CFAP299: variants seen among roughly 807,000 people sequenced by gnomAD.
The protein encoded by CFAP299 is cilia- and flagella-associated protein 299.
A neutral mutation model predicts 27.0 loss-of-function variants in CFAP299; 21 were observed. The observed-to-expected ratio is 0.78, with a 90% CI of 0.55 to 1.12. CFAP299 has a LOEUF of 1.12. Among genes scored for constraint, CFAP299 ranks in the 50% most tolerant of loss-of-function variants. The pLI is 0.00. For synonymous variants in CFAP299, 104 were observed against 98.1 expected (o/e 1.06, Z -0.36); for missense variants, 310 against 276.6 (o/e 1.12, Z -0.86).
intron 4 of CFAP299, among the ~76,000 whole-genome samples, chr4:80,928,308 T>C (rs570677247): frequency 6.6e-6 from 1 of 152,116 alleles, no homozygotes; most frequent in East Asian, 1.9e-4. Context: ...AAACCTATAC[T>C]CCTGAATTTT....
chr4:80,854,368 A>C (rs1040963239), intron 3 of CFAP299, among the ~76,000 whole-genome samples: 1 of 150,990 alleles, frequency 6.6e-6, no homozygotes, highest in Admixed American at 6.6e-5. Context: ...AGAAGCAGAC[A>C]TGCGGGACTG....
chr4:80,436,833 G>A (rs1369778072), intron 2 of CFAP299, among the ~76,000 whole-genome samples: 1 of 152,166 alleles, frequency 6.6e-6, no homozygotes, highest in African/African-American at 2.4e-5. Flanking sequence ...ACATAAGGGA[G>A]AAATGAACTT....
chr4:80,527,303 T>TA (rs368820703), intron 2 of CFAP299, among the ~76,000 whole-genome samples: 7,282 of 151,946 alleles, frequency 0.048, 594 homozygotes, highest in African/African-American at 0.17. Flanking sequence ...GGTTTTTTTT[T>TA]AAATAATAAA....
intron 2 of CFAP299, among the ~76,000 whole-genome samples, chr4:80,380,938 T>C (rs1253273452): frequency 6.6e-6 from 1 of 152,230 alleles, no homozygotes; most frequent in African/African-American, 2.4e-5. Flanking sequence ...GTCTTCTAGA[T>C]ATTCTAATAT....
intron 2 of CFAP299, among the ~76,000 whole-genome samples, chr4:80,524,124 C>T (rs1273620528): frequency 1.3e-5 from 2 of 152,078 alleles, no homozygotes; most frequent in African/African-American, 2.4e-5. Context: ...TTATATAATA[C>T]AGAAATTTTC....
intron 2 of CFAP299, among the ~76,000 whole-genome samples, chr4:80,381,244 T>C (rs1050650128): frequency 7.9e-5 from 12 of 152,354 alleles, no homozygotes; most frequent in African/African-American, 2.6e-4. Flanking sequence ...ATTTTTATTA[T>C]GATAATACCA....
chr4:80,727,352 TA>T (rs1487839697), intron 3 of CFAP299, among the ~76,000 whole-genome samples: 2 of 152,092 alleles, frequency 1.3e-5, no homozygotes, highest in African/African-American at 2.4e-5. Flanking sequence ...AATACCTTCA[TA>T]AAGTTATTTA....
intron 3 of CFAP299, among the ~76,000 whole-genome samples, chr4:80,867,383 A>G (rs1159727660): frequency 6.6e-6 from 1 of 152,220 alleles, no homozygotes; most frequent in Admixed American, 6.5e-5. Context: ...ACATATATAT[A>G]TTCTAATAAG....
At chr4:80,834,358 G>C (rs1730451273) in intron 3 of CFAP299, among the ~76,000 whole-genome samples, 1 of 152,138 alleles carries the variant, frequency 6.6e-6, no homozygotes, top group Non-Finnish European at 1.5e-5. Flanking sequence ...TCCTTGTGAG[G>C]ATAGCTTGAA....
At chr4:80,784,899 T>A (rs958261908) in intron 3 of CFAP299, among the ~76,000 whole-genome samples, 5 of 152,164 alleles carry the variant, frequency 3.3e-5, no homozygotes, top group African/African-American at 1.2e-4. Context: ...AGGTTATTTG[T>A]TTTTTTCCTA....
chr4:80,386,170 C>T (rs1242997761), intron 2 of CFAP299: 37 of 684,954 alleles, frequency 5.4e-5, no homozygotes, highest in Non-Finnish European at 8.2e-5. Flanking sequence ...ACGAACACCC[C>T]GGGTCCGTCA....
chr4:80,670,127 A>G (rs952576173), intron 3 of CFAP299, among the ~76,000 whole-genome samples: 12 of 152,128 alleles, frequency 7.9e-5, no homozygotes, highest in African/African-American at 2.7e-4. Flanking sequence ...TCCTAATGCT[A>G]TCCATCCTCT....
intron 4 of CFAP299, among the ~76,000 whole-genome samples, chr4:80,938,821 A>T (rs893890018): frequency 1.1e-4 from 16 of 152,172 alleles, no homozygotes; most frequent in African/African-American, 3.9e-4. Context: ...ATTTCTTGTA[A>T]GGCAGGTATA....
intron 3 of CFAP299, among the ~76,000 whole-genome samples, chr4:80,797,499 T>A (rs1727934603): frequency 1.3e-5 from 2 of 152,320 alleles, no homozygotes; most frequent in South Asian, 4.1e-4. Flanking sequence ...CAGACTATTC[T>A]GATTGCTGCT....
At chr4:80,468,465 C>G (rs1289369371) in intron 2 of CFAP299, among the ~76,000 whole-genome samples, 1 of 151,830 alleles carries the variant, frequency 6.6e-6, no homozygotes, top group African/African-American at 2.4e-5. Flanking sequence ...TCAAAGTGTT[C>G]CACCCGCCTT....
At chr4:80,899,203 A>G (rs1734761201) in intron 4 of CFAP299, among the ~76,000 whole-genome samples, 1 of 152,252 alleles carries the variant, frequency 6.6e-6, no homozygotes, top group African/African-American at 2.4e-5. Flanking sequence ...AGTCACTGGC[A>G]CATAGCATAT....
At chr4:80,513,428 A>T (rs1178930317) in intron 2 of CFAP299, among the ~76,000 whole-genome samples, 1 of 152,148 alleles carries the variant, frequency 6.6e-6, no homozygotes, top group African/African-American at 2.4e-5. Context: ...ATATTACTTC[A>T]TACTAGCATA....
At chr4:80,880,190 G>A (rs1733623459) in intron 4 of CFAP299, among the ~76,000 whole-genome samples, 1 of 151,890 alleles carries the variant, frequency 6.6e-6, no homozygotes, top group South Asian at 2.1e-4. Flanking sequence ...GGAGGGAAGA[G>A]AGGATGGAAA....
chr4:80,324,542 T>A, the CFAP299 span, among the ~76,000 whole-genome samples: 8 of 152,156 alleles, frequency 5.3e-5, no homozygotes, highest in African/African-American at 1.4e-4. Flanking sequence ...GCGTCTAGAG[T>A]CACATTTTAA....
Sources: allele counts gnomAD v4.1 joint callset (sites outside exome capture counted in the v4.1 genomes callset), GRCh38; gene constraint gnomAD v4.1.1; transcripts MANE v1.5; gene names NCBI Gene and HGNC (gene_info 2026-07-23, HGNC 2026-07-21).